The following CSMD1 variants were observed in gnomAD, a reference collection of about 807,000 sequenced individuals.
CSMD1 encodes the protein CUB and sushi domain-containing protein 1.
In CSMD1, 213 loss-of-function variants were observed where a neutral mutation model predicts 417.5. The observed-to-expected ratio is 0.51, with a 90% CI of 0.46 to 0.57. The LOEUF (loss-of-function observed/expected upper bound fraction) is 0.57. Ranked by LOEUF, CSMD1 falls within the 20% of genes least tolerant of loss-of-function variation. The pLI is 0.00. For synonymous variants in CSMD1, 2,862 were observed against 1,736.8 expected, an observed-to-expected ratio of 1.65 and a Z score of -16.11; for missense variants, 6,923 against 4,529.7, an observed-to-expected ratio of 1.53 and a Z score of -15.17.
At chr8:4,494,964 CAG>C (rs1407249623) in intron 2 of CSMD1, among the ~76,000 whole-genome samples, 1 of 151,558 alleles carries the variant, frequency 6.6e-6, no homozygotes, top group African/African-American at 2.4e-5. Context: ...CAGAAAAAAA[CAG>C]TGGAGAAAAT....
intron 5 of CSMD1, among the ~76,000 whole-genome samples, chr8:3,997,692 G>A (rs566850127): frequency 3.9e-5 from 6 of 152,200 alleles, no homozygotes; most frequent in African/African-American, 1.2e-4. Flanking sequence ...ATGACTTCCC[G>A]AGCTCCAAAC....
At chr8:4,521,161 A>G (rs1803423403) in intron 2 of CSMD1, among the ~76,000 whole-genome samples, 1 of 152,174 alleles carries the variant, frequency 6.6e-6, no homozygotes, top group Admixed American at 6.5e-5. Flanking sequence ...TGACTTACAA[A>G]AAGAACTAAA....
At chr8:4,584,818 C>A (rs540450176) in intron 2 of CSMD1, among the ~76,000 whole-genome samples, 1 of 152,286 alleles carries the variant, frequency 6.6e-6, no homozygotes, top group East Asian at 1.9e-4. Flanking sequence ...CTACCTGTCT[C>A]TGGTGCTTTT....
At chr8:3,904,958 T>A (rs977164926) in intron 5 of CSMD1, among the ~76,000 whole-genome samples, 1 of 152,150 alleles carries the variant, frequency 6.6e-6, no homozygotes, top group Admixed American at 6.5e-5. Context: ...ATTTTCCTTA[T>A]CTGACATTTA....
intron 1 of CSMD1, among the ~76,000 whole-genome samples, chr8:4,697,192 A>G (rs1043051768): frequency 6.6e-6 from 1 of 152,100 alleles, no homozygotes; most frequent in African/African-American, 2.4e-5. Context: ...TAATAAAAAT[A>G]AAAAAATCAG....
intron 5 of CSMD1, among the ~76,000 whole-genome samples, chr8:3,994,532 C>T (rs1290736188): frequency 6.6e-6 from 1 of 150,658 alleles, no homozygotes; most frequent in Non-Finnish European, 1.5e-5. Flanking sequence ...ATGACTAGAC[C>T]ATGCTATAAA....
chr8:4,927,064 G>C (rs946816255), intron 1 of CSMD1, among the ~76,000 whole-genome samples: 1 of 149,080 alleles, frequency 6.7e-6, no homozygotes, highest in Non-Finnish European at 1.5e-5. Flanking sequence ...AAAAAAATAG[G>C]GCTGTGTTAT....
At position 3,012,367 on chromosome 8, in the gene CSMD1, T is replaced by C. The variant is rs552123081; in HGVS notation, c.8029+6110A>G. On this transcript the variant is annotated intron_variant, in intron 52 of 69. Coordinates refer to ENST00000635120, the MANE Select transcript of CSMD1 (RefSeq NM_033225.6). ...TCAAGACTCAGTCTGTCAACGCTCA[T>C]CCATTCCTGTGTTTGGCCACTCCAG... 3.3e-5 allele frequency among the ~76,000 whole-genome samples: 5 copies of C among 152,258 alleles called. No homozygotes were observed. In the East Asian group the frequency reaches 5.8e-4, roughly 18 times the overall value.
At chr8:4,008,168 G>C (rs1258996277) in intron 4 of CSMD1, among the ~76,000 whole-genome samples, 1 of 151,990 alleles carries the variant, frequency 6.6e-6, no homozygotes, top group Admixed American at 6.6e-5. Context: ...CATTTTAAAA[G>C]GACAAATATG....
At chr8:3,468,363 T>C (rs760866186) in intron 12 of CSMD1, among the ~76,000 whole-genome samples, 4 of 152,204 alleles carry the variant, frequency 2.6e-5, no homozygotes, top group Non-Finnish European at 2.9e-5. Context: ...ATATTGTCTT[T>C]TCTATGTTTG....
chr8:3,526,303 A>C (rs1797751295), intron 10 of CSMD1, among the ~76,000 whole-genome samples: 1 of 150,030 alleles, frequency 6.7e-6, no homozygotes, highest in Non-Finnish European at 1.5e-5. Context: ...AGATATAGGC[A>C]ATGTTTAAAA....
At chr8:3,927,000 C>T (rs933822915) in intron 5 of CSMD1, among the ~76,000 whole-genome samples, 14 of 151,928 alleles carry the variant, frequency 9.2e-5, no homozygotes, top group East Asian at 1.9e-4. Flanking sequence ...AGGCGTGAGC[C>T]ACCGTGCCCG....
intron 2 of CSMD1, among the ~76,000 whole-genome samples, chr8:4,436,337 C>G (rs1199675883): frequency 2.0e-5 from 3 of 152,224 alleles, no homozygotes; most frequent in South Asian, 2.1e-4. Context: ...TACTGTCAAT[C>G]TCTCCTTCTT....
At chr8:4,180,736 C>A (rs190806812) in intron 3 of CSMD1, among the ~76,000 whole-genome samples, 7 of 152,176 alleles carry the variant, frequency 4.6e-5, no homozygotes, top group Admixed American at 1.3e-4. Flanking sequence ...GGAAACATGG[C>A]ACTAACTGTT....
intron 3 of CSMD1, among the ~76,000 whole-genome samples, chr8:4,315,411 G>A (rs577532626): frequency 2.0e-5 from 3 of 152,216 alleles, no homozygotes; most frequent in African/African-American, 4.8e-5. Flanking sequence ...GGGATGAGTG[G>A]CCCATGTTCA....
At chr8:3,315,437 AGTGTGTGTGT>A (rs35460301) in intron 23 of CSMD1, among the ~76,000 whole-genome samples, 3 of 124,056 alleles carry the variant, frequency 2.4e-5, no homozygotes, top group Admixed American at 8.4e-5. Flanking sequence ...AGGTGAAGTG[AGTGTGTGTGT>A]GTGTGTGTGT....
chr8:3,506,451 C>T (rs554406077), intron 10 of CSMD1, among the ~76,000 whole-genome samples: 1 of 152,124 alleles, frequency 6.6e-6, no homozygotes, highest in Non-Finnish European at 1.5e-5. Flanking sequence ...CACATTCTCA[C>T]CACTGGTCAT....
chr8:4,355,722 G>A (rs1051698442), intron 3 of CSMD1, among the ~76,000 whole-genome samples: 1 of 152,168 alleles, frequency 6.6e-6, no homozygotes, highest in South Asian at 2.1e-4. Context: ...GTCCAGCAAT[G>A]CATCTTTATT....
intron 5 of CSMD1, among the ~76,000 whole-genome samples, chr8:3,955,701 G>A (rs776598856): frequency 6.6e-6 from 1 of 151,960 alleles, no homozygotes; most frequent in Non-Finnish European, 1.5e-5. Flanking sequence ...GGATGAATAC[G>A]TGGACACAAA....
Sources: allele counts gnomAD v4.1 joint callset (sites outside exome capture counted in the v4.1 genomes callset), GRCh38; gene constraint gnomAD v4.1.1; transcripts MANE v1.5; gene names NCBI Gene and HGNC (gene_info 2026-07-23, HGNC 2026-07-21).